DAB1: variants seen among roughly 807,000 people sequenced by gnomAD.
DAB1 encodes the protein DAB adaptor protein 1, also known as disabled homolog 1.
A neutral mutation model predicts 64.6 loss-of-function variants in DAB1; 15 were observed. That is an observed-to-expected ratio of 0.23 (90% CI 0.16 to 0.36). The LOEUF is 0.36. Ranked by LOEUF, DAB1 falls within the 10% of genes least tolerant of loss-of-function variation. DAB1 has a pLI of 1.00. For missense variants in DAB1, 596 were observed against 706.7 expected (o/e 0.84, Z 1.78); for synonymous variants, 235 against 251.9 (o/e 0.93, Z 0.64).
At chr1:57,373,567 G>T (rs569661508) in intron 1 of DAB1, among the ~76,000 whole-genome samples, 124 of 152,118 alleles carry the variant, frequency 8.2e-4, no homozygotes, top group African/African-American at 2.9e-3. Context: ...AGGGAGGAGT[G>T]GTATAAAGAG....
chr1:57,293,852 CCTT>C lies in DAB1; in HGVS notation c.-136-2689_-136-2687del, dbSNP rs552777762. Among the ~76,000 whole-genome samples, 601 of 152,220 alleles carry C rather than the reference CCTT, an allele frequency of 3.9e-3. 5 individuals carry two copies. The highest frequency in any genetic ancestry group is 6.0e-3 in the South Asian group (29 of 4,830). On this transcript the variant is annotated intron_variant, in intron 1 of 14. Coordinates refer to ENST00000371236, the MANE Select transcript of DAB1 (RefSeq NM_001365792.1). The stretch of plus-strand genomic sequence containing the variant: ...TTATAAATCACAATATAGCATCTCT[CCTT>C]ATTTCTATCTTCAAAGATGTTTGTT...
intron 1 of DAB1, among the ~76,000 whole-genome samples, chr1:57,858,845 G>A (rs1426018470): frequency 6.6e-6 from 1 of 151,044 alleles, no homozygotes; most frequent in Admixed American, 6.6e-5. Flanking sequence ...AAACAGTTCA[G>A]TCCACTAACC....
chr1:57,128,231 T>A (rs1657333151), intron 4 of DAB1, among the ~76,000 whole-genome samples: 1 of 151,670 alleles, frequency 6.6e-6, no homozygotes, highest in Non-Finnish European at 1.5e-5. Context: ...TCTTGAAAGT[T>A]CATATAAAAC....
chr1:57,612,162 T>C (rs1020917455), intron 7 of DAB1, among the ~76,000 whole-genome samples: 1 of 151,858 alleles, frequency 6.6e-6, no homozygotes, highest in Non-Finnish European at 1.5e-5. Context: ...CTTCATCCTA[T>C]GCCATTTTCA....
intron 3 of DAB1, among the ~76,000 whole-genome samples, chr1:58,373,421 T>A (rs1644289280): frequency 6.8e-6 from 1 of 147,114 alleles, no homozygotes; most frequent in Non-Finnish European, 1.5e-5. Flanking sequence ...GAATATGCGG[T>A]GTTTGGTTTT....
At chr1:57,060,354 G>A (rs1650263832) in intron 9 of DAB1, among the ~76,000 whole-genome samples, 1 of 151,952 alleles carries the variant, frequency 6.6e-6, no homozygotes, top group Admixed American at 6.6e-5. Context: ...GTTTCACCAT[G>A]CTGGCCAGGC....
intron 6 of DAB1, among the ~76,000 whole-genome samples, chr1:57,698,518 T>C (rs1039422595): frequency 1.4e-4 from 21 of 152,196 alleles, no homozygotes; most frequent in Admixed American, 6.5e-4. Context: ...AACTACTTAT[T>C]TATTTACCTA....
chr1:57,623,266 G>C (rs57211261), intron 7 of DAB1, among the ~76,000 whole-genome samples: 1 of 152,102 alleles, frequency 6.6e-6, no homozygotes, highest in Non-Finnish European at 1.5e-5. Context: ...AGGGCTTCCG[G>C]ATCTCCAAAT....
chr1:57,592,202 G>T (rs1645453443), intron 7 of DAB1, among the ~76,000 whole-genome samples: 1 of 152,170 alleles, frequency 6.6e-6, no homozygotes, highest in African/African-American at 2.4e-5. Context: ...AGGAGAAAGA[G>T]CACTCATTTT....
intron 2 of DAB1, among the ~76,000 whole-genome samples, chr1:57,283,607 G>A (rs1006728433): frequency 3.9e-5 from 6 of 152,192 alleles, no homozygotes; most frequent in African/African-American, 1.2e-4. Context: ...TAGGTAGCCA[G>A]CCCAAGATAG....
At chr1:58,400,035 A>AAG (rs1440658486) in intron 3 of DAB1, among the ~76,000 whole-genome samples, 1 of 152,094 alleles carries the variant, frequency 6.6e-6, no homozygotes, top group Non-Finnish European at 1.5e-5. Flanking sequence ...AATTTCTCAT[A>AAG]AGAATACAGT....
intron 5 of DAB1, among the ~76,000 whole-genome samples, chr1:57,904,972 G>T (rs1644529340): frequency 6.6e-6 from 1 of 152,106 alleles, no homozygotes; most frequent in African/African-American, 2.4e-5. Flanking sequence ...ATGAAAGGAT[G>T]TATGGTAATT....
chr1:57,299,825 C>T (rs1673487496), intron 1 of DAB1, among the ~76,000 whole-genome samples: 1 of 152,226 alleles, frequency 6.6e-6, no homozygotes, highest in African/African-American at 2.4e-5. Context: ...GACCTTTAAG[C>T]TCTTTCATCA....
intron 3 of DAB1, among the ~76,000 whole-genome samples, chr1:58,485,721 A>G (rs1337786325): frequency 6.6e-6 from 1 of 152,092 alleles, no homozygotes; most frequent in Non-Finnish European, 1.5e-5. Flanking sequence ...AAAGTGAGCA[A>G]AATTTTCCTA....
intron 1 of DAB1, among the ~76,000 whole-genome samples, chr1:57,352,079 A>C (rs1441138259): frequency 6.6e-6 from 1 of 152,206 alleles, no homozygotes; most frequent in Non-Finnish European, 1.5e-5. Context: ...AAATCAAAGA[A>C]GGAAGAAAAC....
intron 5 of DAB1, among the ~76,000 whole-genome samples, chr1:58,069,467 C>T (rs756545528): frequency 6.6e-5 from 10 of 152,148 alleles, no homozygotes; most frequent in Non-Finnish European, 8.8e-5. Context: ...TACTTTACGG[C>T]GTACCAAGAA....
intron 6 of DAB1, among the ~76,000 whole-genome samples, chr1:57,803,983 T>C (rs1325717327): frequency 6.6e-6 from 1 of 152,232 alleles, no homozygotes; most frequent in Non-Finnish European, 1.5e-5. Context: ...ATTGTTGTTC[T>C]ATGTTTCAGC....
rs1645275610 is a variant in DAB1, at chr1:58,464,542, C to T, written n.257+41518G>A. On this transcript the variant is annotated intron_variant and non_coding_transcript_variant, in intron 3 of 20. Coordinates refer to the DAB1 transcript ENST00000485760. ...CTACTGCCTAGACTTGTGTTTAAGC[C>T]TGAACTTGGCCTTGTACTAGCTGTG... Among the ~76,000 whole-genome samples, 2 of 152,122 alleles carry T rather than the reference C, an allele frequency of 1.3e-5. 1 individual carries two copies. The highest frequency in any genetic ancestry group is 4.1e-4 in the South Asian group (2 of 4,820).
At chr1:58,252,479 T>C (rs970542069) in intron 4 of DAB1, among the ~76,000 whole-genome samples, 1 of 152,168 alleles carries the variant, frequency 6.6e-6, no homozygotes, top group East Asian at 1.9e-4. Flanking sequence ...ACAGAGCTGT[T>C]TGGGGATGTG....
Sources: allele counts gnomAD v4.1 joint callset (sites outside exome capture counted in the v4.1 genomes callset), GRCh38; gene constraint gnomAD v4.1.1; transcripts MANE v1.5; gene names NCBI Gene and HGNC (gene_info 2026-07-23, HGNC 2026-07-21).